The following OAS2 variants were observed in gnomAD, a reference collection of about 807,000 sequenced individuals.
The protein encoded by OAS2 is 2'-5'-oligoadenylate synthetase 2.
A neutral mutation model predicts 71.3 loss-of-function variants in OAS2; 67 were observed. The observed-to-expected ratio is 0.94, with a 90% CI of 0.77 to 1.15. OAS2 has a LOEUF of 1.15. Ranked by LOEUF, OAS2 falls within the 50% of genes most tolerant of loss-of-function variation. The pLI is 0.00. For missense variants in OAS2, 789 were observed against 822.5 expected, an observed-to-expected ratio of 0.96 and a Z score of 0.50; for synonymous variants, 327 against 321.8, an observed-to-expected ratio of 1.02 and a Z score of -0.17.
chr12:112,997,823 G>A, intron 4 of OAS2, 68 bp downstream of exon 4: 1 of 1,270,444 alleles, frequency 7.9e-7, no homozygotes, highest in Non-Finnish European at 1.1e-6. Flanking sequence ...TCTTTGGAAT[G>A]AGATCTCAGC....
At chr12:112,988,331 T>G (rs1466749025) in intron 2 of OAS2, 2 of 579,576 alleles carry the variant, frequency 3.5e-6, no homozygotes, top group South Asian at 1.5e-4. Context: ...TCAGAGAGTC[T>G]TGAACACAGC....
chr12:113,008,020 G>C, intron 9 of OAS2, 77 bp downstream of exon 9: 2 of 1,046,826 alleles, frequency 1.9e-6, no homozygotes, highest in Non-Finnish European at 3.0e-6. Flanking sequence ...ATTTTCCTCT[G>C]CTGGGGTCAC....
At chr12:113,001,166 A>G (rs1468433813) in intron 5 of OAS2, among the ~76,000 whole-genome samples, 1 of 151,950 alleles carries the variant, frequency 6.6e-6, no homozygotes, top group Admixed American at 6.6e-5. Flanking sequence ...CAACATAACA[A>G]TACCCCGTCT....
In OAS2 at chr12:113,002,975, T is replaced by G. The variant is rs1316222537; in HGVS notation, c.1052T>G (p.Phe351Cys). 1 of 1,614,068 alleles carries G rather than the reference T, an allele frequency of 6.2e-7. No individual in the cohort carries two copies. Reference sequence around the variant, plus strand: ...ACCCCAGGCCACCTTCTGGATAAGTTCATCAAGGAGTTTCTCCAGCCCAAC... The same window carrying G: ...ACCCCAGGCCACCTTCTGGATAAGTGCATCAAGGAGTTTCTCCAGCCCAAC... Reference protein sequence around the residue: ...FTTPGHLLDKFIKEFLQPNKC... With the variant: ...FTTPGHLLDKCIKEFLQPNKC... The change falls in exon 6 of 10, where the codon TTC becomes TGC. Residue 351 changes from phenylalanine (F) to cysteine (C), a missense_variant. Physicochemically the swap from Phe to Cys is radical, Grantham distance 205. Coordinates refer to ENST00000392583, the MANE Select transcript of OAS2 (RefSeq NM_002535.3).
At chr12:112,997,397 A>C (rs549268399) in intron 3 of OAS2, 123 bp from the exon 4 acceptor site, 4 of 730,920 alleles carry the variant, frequency 5.5e-6, no homozygotes, top group Non-Finnish European at 8.9e-6. Flanking sequence ...CAGTCCACTG[A>C]ACTGTAGGCA....
chr12:113,002,864 G>T lies in OAS2; in HGVS notation c.1009-68G>T, dbSNP rs375557231. 3.7e-5 allele frequency: 54 copies of T among 1,466,688 alleles called. 2 individuals carry two copies. The highest frequency in any genetic ancestry group is 2.4e-4 in the African/African-American group (17 of 71,886). 90.9% of individuals were successfully genotyped at this position (1,466,688 alleles called of 1,614,324 possible). A position where few individuals can be genotyped will look rare whatever the true frequency, so the allele number is the denominator to read the frequency against. On this transcript the variant is annotated intron_variant, in intron 5 of 9. Transcript: ENST00000392583. ...AGGCAGGGTAGGGGGCCCAGTACAG[G>T]CAGGAAAAGAAGCCTTGGGTGGGCT...
chr12:112,978,850 G>A lies in OAS2; in HGVS notation c.177+65G>A, dbSNP rs546953106. On this transcript the variant is annotated intron_variant, in intron 1 of 9. Transcript: ENST00000392583. This position sits in a 1 kb window ranked among gnomAD's most constrained non-coding sequence, Gnocchi z 4.2. ...GATTCCACGGCGGCAGCAAGGCCGA[G>A]CTACTGGGTGCTGGGTGCCTATTAT... The A allele has an allele frequency of 4.0e-6, 6 of 1,490,158 alleles. No homozygotes were observed. The highest frequency in any genetic ancestry group is 3.8e-5 in the South Asian group (3 of 79,710). 92.3% of individuals were successfully genotyped at this position (1,490,158 alleles called of 1,614,324 possible).
At position 113,009,183 on chromosome 12, in the gene OAS2, A is replaced by G; in HGVS notation, c.1992A>G (p.Leu664=). The change falls in exon 10 of 10, where the codon TTA becomes TTG. Residue 664 remains leucine (L), a synonymous_variant. Coordinates refer to ENST00000392583, the MANE Select transcript of OAS2 (RefSeq NM_002535.3). ...TGGCAAAAGAAGCAAAGGAATGGTTATCCTCTCCCTGCTTCAAGGATGGGA... is the reference window on the plus strand; with the variant it reads ...TGGCAAAAGAAGCAAAGGAATGGTTGTCCTCTCCCTGCTTCAAGGATGGGA... ...HLLAKEAKEW[L]SSPCFKDGTG... 1 of 1,614,140 alleles carries G rather than the reference A, an allele frequency of 6.2e-7. No individual in the cohort carries two copies. Among genetic ancestry groups the G allele is most frequent in the Non-Finnish European group, 8.5e-7 (1 of 1,180,014 alleles).
intron 9 of OAS2, among the ~76,000 whole-genome samples, chr12:113,008,513 G>A (rs1304617786): frequency 6.6e-6 from 1 of 152,204 alleles, no homozygotes; most frequent in Non-Finnish European, 1.5e-5. Flanking sequence ...GACATAGCAA[G>A]GAGGAGATAT....
intron 3 of OAS2, among the ~76,000 whole-genome samples, chr12:112,997,138 T>G (rs2044240275): frequency 6.6e-6 from 1 of 152,202 alleles, no homozygotes; most frequent in Non-Finnish European, 1.5e-5. Flanking sequence ...CCTTCTTTTT[T>G]GTTGTTTTTG....
intron 5 of OAS2, among the ~76,000 whole-genome samples, chr12:113,000,644 CCATGCACACA>C (rs2044277059): frequency 6.7e-6 from 1 of 149,612 alleles, no homozygotes; most frequent in Non-Finnish European, 1.5e-5. Flanking sequence ...CGTACTCACA[CCATGCACACA>C]CATGCACTCA....
rs754993320 is a variant in OAS2 at position 113,005,187 on chromosome 12, T to C, written c.1433T>C (p.Val478Ala). 23 of 1,614,014 alleles carry C rather than the reference T, an allele frequency of 1.4e-5. No homozygotes were observed. The highest frequency in any genetic ancestry group is 4.5e-5 in the East Asian group (2 of 44,862). ...SLKSKVLNESVSFDVLPAFNA... is the reference protein window; with the variant it reads ...SLKSKVLNESASFDVLPAFNA... ...AAATCCAAAGTCCTCAACGAAAGTG[T>C]CAGCTTTGATGTGCTTCCTGCCTTT... Residue 478 changes from valine to alanine, a missense_variant, in exon 7 of 10, where the codon GTC (valine) becomes GCC (alanine). Coordinates refer to ENST00000392583, the MANE Select transcript of OAS2 (RefSeq NM_002535.3).
chr12:112,998,902 C>T (rs1290577878), intron 5 of OAS2, among the ~76,000 whole-genome samples: 3 of 152,152 alleles, frequency 2.0e-5, no homozygotes, highest in South Asian at 2.1e-4. Flanking sequence ...ACACATTCAT[C>T]GATACTGTAG....
Position 112,978,883 on chromosome 12 carries a change from GC to G in OAS2, c.177+101del. ...GTGCTGGGTGCCTATTATGTGCGAG[GC>G]CCACACTTGGGTGGGATGTGGTGTA... On this transcript the variant is annotated intron_variant, in intron 1 of 9. Coordinates refer to ENST00000392583, the MANE Select transcript of OAS2 (RefSeq NM_002535.3). This position sits in a 1 kb window ranked among gnomAD's most constrained non-coding sequence, Gnocchi z 4.2. The G allele has an allele frequency of 1.7e-6, 2 of 1,187,610 alleles. No homozygotes were observed. The highest frequency in any genetic ancestry group is 2.3e-6 in the Non-Finnish European group (2 of 851,578). 73.6% of individuals were successfully genotyped at this position (1,187,610 alleles called of 1,614,324 possible). A position where few individuals can be genotyped will look rare whatever the true frequency, so the allele number is the denominator to read the frequency against.
intron 5 of OAS2, among the ~76,000 whole-genome samples, chr12:113,001,523 C>T (rs1172321376): frequency 1.3e-5 from 2 of 148,220 alleles, no homozygotes; most frequent in East Asian, 2.0e-4. Context: ...TATATATACA[C>T]ATATATATAT....
chr12:113,010,071 C>A lies in OAS2; in HGVS notation c.*816C>A. ...CTGGCCTGTACCCAGTAGATGCCACCCAGTTGTGACAATTAAAAGTGTCTT... is the reference window on the plus strand; with the variant it reads ...CTGGCCTGTACCCAGTAGATGCCACACAGTTGTGACAATTAAAAGTGTCTT... On this transcript the variant is annotated 3_prime_UTR_variant, in exon 10 of 10. Coordinates refer to ENST00000392583, the MANE Select transcript of OAS2 (RefSeq NM_002535.3). The A allele has an allele frequency of 1.9e-6, 2 of 1,046,192 alleles. No homozygotes were observed. Among genetic ancestry groups the A allele is most frequent in the South Asian group, 3.7e-5 (1 of 26,700 alleles). 64.8% of individuals were successfully genotyped at this position (1,046,192 alleles called of 1,614,324 possible). A position where few individuals can be genotyped will look rare whatever the true frequency, so the allele number is the denominator to read the frequency against.
chr12:112,987,803 TCAA>T, intron 2 of OAS2: 1 of 989,894 alleles, frequency 1.0e-6, no homozygotes. Flanking sequence ...CAGGTCAAAA[TCAA>T]GGCAACGACC....
At chr12:113,008,530 T>G (rs1447204957) in intron 9 of OAS2, among the ~76,000 whole-genome samples, 2 of 152,230 alleles carry the variant, frequency 1.3e-5, no homozygotes, top group Non-Finnish European at 2.9e-5. Context: ...ATATTTAGAC[T>G]ATGCCTTCAT....
chr12:113,005,112 G>A lies in OAS2; in HGVS notation c.1358G>A (p.Ser453Asn), dbSNP rs1224305055. ...GAGAAGGAGGAGGAGCTTGAAGTCA[G>A]CTTTGAGCCTCCCAAGTGGAAGGCT... ...WREKEEELEV[S>N]FEPPKWKAPR... is the part of the protein sequence containing the mutation. The change falls in exon 7 of 10, where the codon AGC becomes AAC. Residue 453 changes from serine to asparagine, a missense_variant. Coordinates refer to ENST00000392583, the MANE Select transcript of OAS2 (RefSeq NM_002535.3). 1.9e-6 allele frequency: 3 copies of A among 1,614,142 alleles called. No homozygotes were observed. Among genetic ancestry groups the A allele is most frequent in the Non-Finnish European group, 2.5e-6 (3 of 1,180,006 alleles).
Sources: gnomAD v4.1 joint callset for allele counts (sites outside exome capture counted in the v4.1 genomes callset) on GRCh38, gnomAD v4.1.1 for gene constraint, Gnocchi (gnomAD v3.1) non-coding constraint, MANE v1.5 for transcripts, NCBI Gene and HGNC (gene_info 2026-07-23, HGNC 2026-07-21) for gene names.